The following MYBPC1 variants were observed in gnomAD, a reference collection of about 807,000 sequenced individuals.
MYBPC1 encodes the protein myosin-binding protein C, slow-type.
A neutral mutation model predicts 147.1 loss-of-function variants in MYBPC1; 52 were observed. That is an observed-to-expected ratio of 0.35 (90% CI 0.28 to 0.45). The LOEUF (loss-of-function observed/expected upper bound fraction) is 0.45. MYBPC1 is among the 20% of genes least tolerant of loss of function. MYBPC1 has a pLI of 1.00. For missense variants in MYBPC1, 1,228 were observed against 1,440.3 expected, an observed-to-expected ratio of 0.85 and a Z score of 2.39; for synonymous variants, 477 against 475.9, an observed-to-expected ratio of 1.00 and a Z score of -0.03.
intron 2 of MYBPC1, among the ~76,000 whole-genome samples, chr12:101,615,676 C>CCCG (rs1593688057): frequency 1.9e-5 from 2 of 107,834 alleles, no homozygotes; most frequent in East Asian, 5.5e-4. Context: ...CCCCCCCGCC[C>CCCG]CCCCACACCA....
At chr12:101,638,961 G>A (rs958248572) in intron 10 of MYBPC1, among the ~76,000 whole-genome samples, 3 of 144,094 alleles carry the variant, frequency 2.1e-5, no homozygotes, top group African/African-American at 7.5e-5. Flanking sequence ...CGTTTTCATT[G>A]CGGTAATGAC....
chr12:101,668,021 GCTTT>G, intron 23 of MYBPC1, 122 bp downstream of exon 23: 1 of 37,064 alleles, frequency 2.7e-5, no homozygotes, highest in Non-Finnish European at 7.2e-5. Context: ...TTTTGTTAAT[GCTTT>G]AATGCTTCCT....
Position 101,663,555 on chromosome 12 carries a change from A to G in MYBPC1, c.2351A>G (p.Glu784Gly). ...GGCTATGTGCTAGAGTATTGCTTTGAAGGAAGTAAGTACAACCAGTAGATA... is the reference window on the plus strand; with the variant it reads ...GGCTATGTGCTAGAGTATTGCTTTGGAGGAAGTAAGTACAACCAGTAGATA... ...LDGYVLEYCF[E>G]GTEDWIVANK... The change falls in exon 22 of 32, where the codon GAA (glutamate) becomes GGA (glycine). Residue 784 changes from glutamate (E) to glycine (G), a missense_variant. Physicochemically the swap from Glu to Gly is moderately conservative, Grantham distance 98. This residue lies in a region of MYBPC1 where 1,077 missense variants were observed against 1,314.2 expected (regional missense o/e 0.82). Coordinates refer to ENST00000361466, the MANE Select transcript of MYBPC1 (RefSeq NM_002465.4). 1 of 1,613,940 alleles carries G rather than the reference A, an allele frequency of 6.2e-7. No homozygotes were observed. Among genetic ancestry groups the G allele is most frequent in the Non-Finnish European group, 8.5e-7 (1 of 1,179,986 alleles).
intron 6 of MYBPC1, among the ~76,000 whole-genome samples, chr12:101,629,814 A>G: frequency 6.6e-6 from 1 of 152,038 alleles, no homozygotes; most frequent in East Asian, 1.9e-4. Flanking sequence ...CGGAGGTTGC[A>G]GTGAACCGAG....
At chr12:101,639,186 T>C in intron 10 of MYBPC1, among the ~76,000 whole-genome samples, 1 of 152,230 alleles carries the variant, frequency 6.6e-6, no homozygotes, top group East Asian at 1.9e-4. Context: ...TAAGTTGTAC[T>C]CTACATAAAA....
chr12:101,680,706 C>T (rs778969778), intron 29 of MYBPC1, among the ~76,000 whole-genome samples, 177 bp downstream of exon 29: 1 of 152,206 alleles, frequency 6.6e-6, no homozygotes, highest in Non-Finnish European at 1.5e-5. Flanking sequence ...GACATTTTTA[C>T]ATCCTGCATT....
At chr12:101,606,444 C>T (rs934280648) in intron 1 of MYBPC1, among the ~76,000 whole-genome samples, 3 of 151,130 alleles carry the variant, frequency 2.0e-5, no homozygotes, top group Non-Finnish European at 2.9e-5. Flanking sequence ...CTTTGAGAAC[C>T]ACTAATATAA....
chr12:101,598,410 C>T (rs759819101), intron 1 of MYBPC1, among the ~76,000 whole-genome samples: 38 of 152,164 alleles, frequency 2.5e-4, no homozygotes, highest in East Asian at 3.9e-4. Flanking sequence ...GCCTTTCTTC[C>T]GTGGCAGAAT....
intron 6 of MYBPC1, among the ~76,000 whole-genome samples, chr12:101,631,075 G>T (rs1037613523): frequency 2.9e-4 from 44 of 152,034 alleles, no homozygotes; most frequent in Non-Finnish European, 7.4e-5. Context: ...ACAGATTGCA[G>T]GTTTACTTCA....
At chr12:101,657,464 G>T (rs1895735967) in intron 18 of MYBPC1, among the ~76,000 whole-genome samples, 1 of 152,202 alleles carries the variant, frequency 6.6e-6, no homozygotes, top group Non-Finnish European at 1.5e-5. Context: ...GCCGGGCTAA[G>T]TAGGATAAGA....
At chr12:101,645,308 G>A (rs554932991) in intron 12 of MYBPC1, among the ~76,000 whole-genome samples, 20 of 152,214 alleles carry the variant, frequency 1.3e-4, no homozygotes, top group African/African-American at 4.6e-4. Context: ...ACAAAATGTG[G>A]GTCAAAGCCT....
chr12:101,657,440 C>A (rs533035048), intron 18 of MYBPC1, among the ~76,000 whole-genome samples: 1 of 152,070 alleles, frequency 6.6e-6, no homozygotes, highest in Non-Finnish European at 1.5e-5. Context: ...ATCAATAAAA[C>A]GTATAACCCT....
chr12:101,658,079 C>A (rs1895873399), intron 18 of MYBPC1, among the ~76,000 whole-genome samples: 1 of 148,856 alleles, frequency 6.7e-6, no homozygotes, highest in Admixed American at 6.7e-5. Flanking sequence ...TGCAGTGAGC[C>A]GAGATCGCGC....
intron 15 of MYBPC1, among the ~76,000 whole-genome samples, chr12:101,650,077 C>A (rs1185706121): frequency 1.3e-5 from 2 of 152,204 alleles, no homozygotes; most frequent in Non-Finnish European, 2.9e-5. Flanking sequence ...CCAATACATT[C>A]CTTATGCTTT....
At chr12:101,660,147 T>G in intron 19 of MYBPC1, 1 of 395,210 alleles carries the variant, frequency 2.5e-6, no homozygotes, top group Admixed American at 3.6e-5. Flanking sequence ...TAGACAACTA[T>G]CGAAGTGCAT....
At chr12:101,678,864 C>T (rs2136841309) in intron 28 of MYBPC1, among the ~76,000 whole-genome samples, 1 of 152,194 alleles carries the variant, frequency 6.6e-6, no homozygotes, top group East Asian at 1.9e-4. Context: ...ATACCTTGAT[C>T]AGAAATAGGG....
chr12:101,661,099 CT>C lies in MYBPC1; in HGVS notation c.1928-50del, dbSNP rs946421905. 247 of 1,102,932 alleles carry C rather than the reference CT, an allele frequency of 2.2e-4. 2 individuals are homozygous for C. Among genetic ancestry groups the C allele is most frequent in the South Asian group, 7.4e-4 (56 of 75,662 alleles). 68.3% of individuals were successfully genotyped at this position (1,102,932 alleles called of 1,614,324 possible). A position where few individuals can be genotyped will look rare whatever the true frequency, so the allele number is the denominator to read the frequency against. ...ACCAAGAAACATATTTTCCTATTAA[CT>C]TTTTTTTTCTACTCCCTCTTCCTTA... On this transcript the variant is annotated intron_variant, in intron 19 of 31. Coordinates refer to ENST00000361466, the MANE Select transcript of MYBPC1 (RefSeq NM_002465.4).
In MYBPC1 at chr12:101,646,874, G is replaced by C. The variant is rs1454126024; in HGVS notation, c.1077G>C (p.Glu359Asp). The C allele has an allele frequency of 6.2e-7, 1 of 1,614,146 alleles. No individual in the cohort carries two copies. Among genetic ancestry groups the C allele is most frequent in the Admixed American group, 1.7e-5 (1 of 60,024 alleles). The change falls in exon 13 of 32, where the codon GAG becomes GAC. Residue 359 changes from glutamate (E) to aspartate (D), a missense_variant. Glu to Asp is a conservative substitution (Grantham distance 45, BLOSUM62 2). Around this residue, in one of 2 missense-constraint regions of MYBPC1, gnomAD observed 1,077 missense variants for 1,314.2 expected, o/e 0.82. Coordinates refer to ENST00000361466, the MANE Select transcript of MYBPC1 (RefSeq NM_002465.4). ...VTAGDEKCST[E>D]LFVREPPIMV... ...CCGGTGATGAGAAATGTTCCACTGA[G>C]CTCTTCGTAAGAGGTAAAAATGAAA...
intron 25 of MYBPC1, 30 bp from the exon 26 acceptor site, chr12:101,675,262 T>C: frequency 6.2e-7 from 1 of 1,613,662 alleles, no homozygotes; most frequent in Non-Finnish European, 8.5e-7. Flanking sequence ...GAAAGTGACC[T>C]TGCAGTGACA....
Sources: allele counts gnomAD v4.1 joint callset (sites outside exome capture counted in the v4.1 genomes callset), GRCh38; gene constraint gnomAD v4.1.1; regional missense constraint gnomAD v4.1.1; transcripts MANE v1.5; gene names NCBI Gene and HGNC (gene_info 2026-07-23, HGNC 2026-07-21).